Variants in CRYZ observed in about 807,000 individuals in gnomAD.
The protein encoded by CRYZ is crystallin zeta, also known as zeta-crystallin.
A neutral mutation model predicts 34.1 loss-of-function variants in CRYZ; 35 were observed. That is an observed-to-expected ratio of 1.03 (90% CI 0.78 to 1.36). The LOEUF (loss-of-function observed/expected upper bound fraction) is 1.36, where lower values mean the gene tolerates loss of function less well. Among genes scored for constraint, CRYZ ranks in the 40% most tolerant of loss-of-function variants. CRYZ has a pLI of 0.00. For missense variants in CRYZ, 403 were observed against 391.8 expected, an observed-to-expected ratio of 1.03 and a Z score of -0.24; for synonymous variants, 137 against 136.5, an observed-to-expected ratio of 1.00 and a Z score of -0.03.
rs1646944690 is a variant in CRYZ at position 74,707,370 on chromosome 1, T to G, written c.631-166A>C. Reference sequence around the variant, plus strand: ...AAATAATCTAATTATATAATCACGATGTAATTCCAAGGTACCAGCCAGAAC... The same window carrying G: ...AAATAATCTAATTATATAATCACGAGGTAATTCCAAGGTACCAGCCAGAAC... On this transcript the variant is annotated intron_variant, in intron 6 of 8. Transcript: ENST00000340866. 3 of 502,124 alleles carry G rather than the reference T, an allele frequency of 6.0e-6. No individual in the cohort carries two copies. The East Asian group carries it at 1.1e-4, about 18-fold the overall frequency. The allele number at this position is 502,124 out of a possible 1,614,324, so 31.1% of individuals were successfully genotyped here.
intron 1 of CRYZ, among the ~76,000 whole-genome samples, chr1:74,727,784 T>C (rs370776399): frequency 4.6e-5 from 7 of 152,096 alleles, no homozygotes; most frequent in South Asian, 2.1e-4. Flanking sequence ...GGAGCTACAA[T>C]TGAAGATGAG....
At chr1:74,715,595 C>G (rs754391124) in intron 4 of CRYZ, among the ~76,000 whole-genome samples, 1 of 152,162 alleles carries the variant, frequency 6.6e-6, no homozygotes, top group Non-Finnish European at 1.5e-5. Flanking sequence ...CACACTCTTG[C>G]TTAGAGCTGA....
intron 3 of CRYZ, among the ~76,000 whole-genome samples, chr1:74,721,771 T>C (rs1647167740): frequency 6.6e-6 from 1 of 152,314 alleles, no homozygotes; most frequent in East Asian, 1.9e-4. Context: ...AAGCTAGTTT[T>C]AGACATGTTT....
chr1:74,726,401 C>T (rs957306016), intron 1 of CRYZ, among the ~76,000 whole-genome samples: 1 of 152,184 alleles, frequency 6.6e-6, no homozygotes, highest in African/African-American at 2.4e-5. Flanking sequence ...GGGCTTGCAC[C>T]TCTGAAGAAA....
chr1:74,720,540 C>CCTTAGAATAT (rs1647145588), intron 3 of CRYZ, among the ~76,000 whole-genome samples: 4 of 152,066 alleles, frequency 2.6e-5, no homozygotes, highest in Admixed American at 2.6e-4. Context: ...AGTAGATATT[C>CCTTAGAATAT]CTTAGAATAG....
At chr1:74,710,338 C>T in intron 5 of CRYZ, 91 bp from the exon 6 acceptor site, 1 of 1,223,680 alleles carries the variant, frequency 8.2e-7, no homozygotes, top group Non-Finnish European at 1.1e-6. Flanking sequence ...TCCTATAGGA[C>T]CCACCCTAAC....
At position 74,723,185 on chromosome 1, in the gene CRYZ, G is replaced by C; in HGVS notation, c.197C>G (p.Pro66Arg). 1 of 1,613,974 alleles carries C rather than the reference G, an allele frequency of 6.2e-7. No individual in the cohort carries two copies. The highest frequency in any genetic ancestry group is 8.5e-7 in the Non-Finnish European group (1 of 1,179,888). The change falls in exon 3 of 9, where the codon CCC (proline) becomes CGC (arginine). Residue 66 changes from proline to arginine, a missense_variant. Physicochemically the swap from Pro to Arg is moderately radical, Grantham distance 103 (BLOSUM62 -2). Coordinates refer to ENST00000340866, the MANE Select transcript of CRYZ (RefSeq NM_001889.4). ...SGTYSRKPLL[P>R]YTPGSDVAGV... ...AGCCACATCTGAGCCAGGAGTATAG[G>C]GTAAGAGTGGTTTTCTACTATAAGT...
In CRYZ at chr1:74,705,623, C is replaced by T. The variant is rs1195294493; in HGVS notation, c.*673G>A. The T allele has an allele frequency of 6.6e-6, 1 of 152,064 alleles. No homozygotes were observed. The highest frequency in any genetic ancestry group is 1.5e-5 in the Non-Finnish European group (1 of 67,972). The allele number at this position is 152,064 out of a possible 1,614,324, so 9.4% of individuals were successfully genotyped here. A position where few individuals can be genotyped will look rare whatever the true frequency, so the allele number is the denominator to read the frequency against. ...AGAAAAACAGATAACTCTAAATCTA[C>T]TCTGAAAATCTAATCAATTGCGAAG... On this transcript the variant is annotated 3_prime_UTR_variant, in exon 9 of 9. Transcript: ENST00000340866.
At chr1:74,709,380 C>A (rs1646971323) in intron 6 of CRYZ, among the ~76,000 whole-genome samples, 1 of 152,006 alleles carries the variant, frequency 6.6e-6, no homozygotes, top group Non-Finnish European at 1.5e-5. Context: ...CAAAGGAGTG[C>A]TTTTGTTCGG....
chr1:74,706,790 C>CA, intron 8 of CRYZ, 109 bp downstream of exon 8: 1 of 875,530 alleles, frequency 1.1e-6, no homozygotes, highest in South Asian at 1.4e-5. Context: ...TACCAACTCC[C>CA]ACTAGTCATA....
Position 74,706,508 on chromosome 1 carries a change from T to C in CRYZ, c.829-51A>G, listed in dbSNP as rs752830167. On this transcript the variant is annotated intron_variant, in intron 8 of 8. Transcript: ENST00000340866. ...TTTTGTAGTGAACCGTATGATTTAA[T>C]TTTCAGAAGCATTAAAAACACTTCA... 10 of 1,508,592 alleles carry C rather than the reference T, an allele frequency of 6.6e-6. No individual in the cohort carries two copies. The East Asian group carries it at 2.3e-4, about 34-fold the overall frequency. 93.5% of individuals were successfully genotyped at this position (1,508,592 alleles called of 1,614,324 possible). A position where few individuals can be genotyped will look rare whatever the true frequency, so the allele number is the denominator to read the frequency against.
At chr1:74,728,375 C>G (rs1018185369) in intron 1 of CRYZ, among the ~76,000 whole-genome samples, 2 of 152,156 alleles carry the variant, frequency 1.3e-5, no homozygotes, top group Non-Finnish European at 2.9e-5. Context: ...GTTATATAAT[C>G]TTAGAAAAAT....
In CRYZ at chr1:74,706,901, TG is replaced by T. The variant is rs746961654; in HGVS notation, c.825del (p.Lys276ArgfsTer20). On this transcript the variant is annotated frameshift_variant, in exon 8 of 9. Transcript: ENST00000340866. LOFTEE classifies it high-confidence loss of function. ...SIIGVTLFSS[T>X]KEEFQQYAAA... Reference sequence around the variant, plus strand: ...ATCAGAAGTACTTCTTTTCCTACCTTGGTTGAGGAAAAGAGAGTAACTCCAA... The same window carrying T: ...ATCAGAAGTACTTCTTTTCCTACCTTGTTGAGGAAAAGAGAGTAACTCCAA... 1.9e-5 allele frequency: 31 copies of T among 1,610,592 alleles called. No homozygotes were observed. The highest frequency in any genetic ancestry group is 2.5e-5 in the Non-Finnish European group (30 of 1,177,262).
chr1:74,732,417 C>A (rs1258756813), intron 1 of CRYZ, among the ~76,000 whole-genome samples: 1 of 149,812 alleles, frequency 6.7e-6, no homozygotes, highest in African/African-American at 2.5e-5. Context: ...TGCGAAGGGG[C>A]CCTACCTAGG....
Position 74,710,041 on chromosome 1 carries a change from C to T in CRYZ, c.630+57G>A, listed in dbSNP as rs535066720. On this transcript the variant is annotated intron_variant, in intron 6 of 8. Transcript: ENST00000340866. ...AGTTGGTTAAAAACATATTAAAAAA[C>T]CACGCAAGTCTCCAAGGAACAAAGT... 4 of 1,497,318 alleles carry T rather than the reference C, an allele frequency of 2.7e-6. No homozygotes were observed. In the South Asian group the frequency reaches 4.9e-5, roughly 18 times the overall value. 92.8% of individuals were successfully genotyped at this position (1,497,318 alleles called of 1,614,324 possible).
chr1:74,728,747 G>A (rs1016285569), intron 1 of CRYZ, among the ~76,000 whole-genome samples: 20 of 152,320 alleles, frequency 1.3e-4, no homozygotes, highest in Non-Finnish European at 2.6e-4. Flanking sequence ...AAAAGTTTGT[G>A]CCATTTTAAA....
At chr1:74,722,636 T>C (rs1208665712) in intron 3 of CRYZ, among the ~76,000 whole-genome samples, 1 of 152,014 alleles carries the variant, frequency 6.6e-6, no homozygotes, top group Admixed American at 6.6e-5. Context: ...ATATATATCC[T>C]GAGCATAACA....
chr1:74,710,305 AATAC>A, intron 5 of CRYZ, 58 bp from the exon 6 acceptor site: 1 of 1,508,184 alleles, frequency 6.6e-7, no homozygotes, highest in Non-Finnish European at 9.0e-7. Context: ...TAAACACTTA[AATAC>A]ATACAATGAA....
chr1:74,730,781 T>C (rs1299502359), intron 1 of CRYZ, among the ~76,000 whole-genome samples: 1 of 152,164 alleles, frequency 6.6e-6, no homozygotes, highest in East Asian at 1.9e-4. Flanking sequence ...ATAAGACCCT[T>C]TACTTCGTAG....
Sources: allele counts gnomAD v4.1 joint callset (sites outside exome capture counted in the v4.1 genomes callset), GRCh38; gene constraint gnomAD v4.1.1; transcripts MANE v1.5; gene names NCBI Gene and HGNC (gene_info 2026-07-23, HGNC 2026-07-21).